The following NTM variants were observed in gnomAD, a reference collection of about 807,000 sequenced individuals.
The protein encoded by NTM is IgLON family member 2.
NTM carries 13 observed loss-of-function variants against 42.1 expected under a neutral mutation model. The ratio of observed to expected loss-of-function variants is 0.31; its 90% CI spans 0.20 to 0.49. NTM has a LOEUF of 0.49. Ranked by LOEUF, NTM falls within the 20% of genes least tolerant of loss-of-function variation. The pLI is 0.99. For missense variants in NTM, 373 were observed against 452.8 expected (o/e 0.82, Z 1.60); for synonymous variants, 187 against 179.2 (o/e 1.04, Z -0.35).
At chr11:132,213,795 C>T (rs892451149) in intron 4 of NTM, among the ~76,000 whole-genome samples, 2 of 51,958 alleles carry the variant, frequency 3.8e-5, no homozygotes, top group African/African-American at 1.2e-4. Context: ...AGTGCAGTGG[C>T]GGGATCTCGG....
chr11:132,013,031 G>A (rs764119326), intron 2 of NTM, among the ~76,000 whole-genome samples: 15 of 152,108 alleles, frequency 9.9e-5, no homozygotes, highest in Non-Finnish European at 1.9e-4. Flanking sequence ...TGTTCATGGA[G>A]CAGTTCACAT....
chr11:131,780,194 C>T (rs892164196), intron 1 of NTM, among the ~76,000 whole-genome samples: 11 of 151,962 alleles, frequency 7.2e-5, no homozygotes, highest in South Asian at 2.1e-4. Context: ...TTGTGAGGCA[C>T]GAAATAGGAA....
At chr11:131,446,692 C>T (rs1258456446) in intron 1 of NTM, among the ~76,000 whole-genome samples, 1 of 152,206 alleles carries the variant, frequency 6.6e-6, no homozygotes, top group African/African-American at 2.4e-5. Flanking sequence ...TCTTCTCTGA[C>T]TCAAGGTTTG....
At chr11:131,565,416 C>T (rs1202742162) in intron 1 of NTM, among the ~76,000 whole-genome samples, 1 of 152,182 alleles carries the variant, frequency 6.6e-6, no homozygotes, top group African/African-American at 2.4e-5. Context: ...CTCCTCCTGC[C>T]TCGCTGCTGC....
At chr11:131,388,373 ATT>A (rs1030744526) in intron 1 of NTM, among the ~76,000 whole-genome samples, 2 of 148,876 alleles carry the variant, frequency 1.3e-5, no homozygotes, top group Non-Finnish European at 3.0e-5. Flanking sequence ...TCAACAAATG[ATT>A]TTTATTATGC....
intron 1 of NTM, among the ~76,000 whole-genome samples, chr11:131,399,850 T>A (rs1944940754): frequency 6.6e-6 from 1 of 152,164 alleles, no homozygotes; most frequent in Non-Finnish European, 1.5e-5. Context: ...TGGCTGGTTA[T>A]CCAGACAGCA....
At chr11:132,171,293 G>T (rs1456129840) in intron 3 of NTM, among the ~76,000 whole-genome samples, 2 of 152,164 alleles carry the variant, frequency 1.3e-5, no homozygotes, top group East Asian at 3.9e-4. Flanking sequence ...TGCCCAAGCT[G>T]CTATGACAAA....
At chr11:132,153,116 C>T (rs2072351402) in intron 3 of NTM, among the ~76,000 whole-genome samples, 3 of 152,226 alleles carry the variant, frequency 2.0e-5, no homozygotes, top group Non-Finnish European at 2.9e-5. Flanking sequence ...TAAGCAGCCA[C>T]TGAGTTCTTA....
chr11:131,734,906 C>T (rs2135521452), intron 1 of NTM, among the ~76,000 whole-genome samples: 1 of 152,180 alleles, frequency 6.6e-6, no homozygotes, highest in Non-Finnish European at 1.5e-5. Flanking sequence ...CCAAGAACAA[C>T]AGAAATGTGA....
Position 131,660,985 on chromosome 11 carries a change from G to GA in NTM, c.83-250570dup, listed in dbSNP as rs745460211. ...GGCAAAGTTGGATGTTTTTAAAGTGGAAAAAAAAATGAACGGAAAAAGAAA... is the reference window on the plus strand; with the variant it reads ...GGCAAAGTTGGATGTTTTTAAAGTGGAAAAAAAAAATGAACGGAAAAAGAAA... On this transcript the variant is annotated intron_variant, in intron 1 of 8. Coordinates refer to ENST00000683400, the MANE Select transcript of NTM (RefSeq NM_001352005.2). 1.1e-4 allele frequency: 139 copies of GA among 1,293,006 alleles called. 1 individual carries two copies. In the East Asian group the frequency reaches 1.3e-3, roughly 12 times the overall value. 80.1% of individuals were successfully genotyped at this position (1,293,006 alleles called of 1,614,324 possible).
chr11:132,237,409 A>G (rs1374746800), intron 4 of NTM, among the ~76,000 whole-genome samples: 1 of 152,160 alleles, frequency 6.6e-6, no homozygotes, highest in Admixed American at 6.5e-5. Context: ...TGTCAGATTC[A>G]GGTAGCTCTA....
intron 1 of NTM, among the ~76,000 whole-genome samples, chr11:131,873,698 T>TATATATACACAC (rs2048136002): frequency 3.0e-5 from 4 of 131,656 alleles, no homozygotes; most frequent in African/African-American, 1.3e-4. Context: ...TATACACACA[T>TATATATACACAC]ATATATATAT....
At chr11:131,389,024 AAAAAGAAAAG>A (rs58205309) in intron 1 of NTM, among the ~76,000 whole-genome samples, 4 of 89,906 alleles carry the variant, frequency 4.4e-5, no homozygotes, top group African/African-American at 1.4e-4. Context: ...AAAAAAAAAA[AAAAAGAAAAG>A]AAAAGAAAAG....
At chr11:132,102,982 G>A (rs1046733869) in intron 2 of NTM, among the ~76,000 whole-genome samples, 1 of 152,212 alleles carries the variant, frequency 6.6e-6, no homozygotes, top group African/African-American at 2.4e-5. Context: ...AAATTGGACT[G>A]GAAAGGCCAC....
chr11:131,756,901 C>T (rs937467706), intron 1 of NTM, among the ~76,000 whole-genome samples: 2 of 152,110 alleles, frequency 1.3e-5, no homozygotes, highest in African/African-American at 4.8e-5. Context: ...AGTTGACCTC[C>T]GAGGAAGATC....
chr11:131,808,162 T>C (rs1277801546), intron 1 of NTM, among the ~76,000 whole-genome samples: 1 of 152,198 alleles, frequency 6.6e-6, no homozygotes, highest in African/African-American at 2.4e-5. Context: ...GGATTTATTA[T>C]CTGACCCCTA....
At chr11:132,299,470 C>G (rs1310514885) in intron 4 of NTM, among the ~76,000 whole-genome samples, 1 of 152,058 alleles carries the variant, frequency 6.6e-6, no homozygotes, top group East Asian at 1.9e-4. Context: ...GAAAGGGTAT[C>G]CTGAGAGAAA....
At chr11:131,873,922 C>G (rs1173359609) in intron 1 of NTM, among the ~76,000 whole-genome samples, 2 of 128,986 alleles carry the variant, frequency 1.6e-5, no homozygotes, top group African/African-American at 5.5e-5. Flanking sequence ...GTTTTCTGCT[C>G]CTGTGTTAGT....
At chr11:131,376,872 C>A (rs1015455950) in intron 1 of NTM, among the ~76,000 whole-genome samples, 2 of 152,170 alleles carry the variant, frequency 1.3e-5, no homozygotes, top group Non-Finnish European at 2.9e-5. Flanking sequence ...GGTTCAATCA[C>A]ATCCAAGTGT....
Sources: allele counts gnomAD v4.1 joint callset (sites outside exome capture counted in the v4.1 genomes callset), GRCh38; gene constraint gnomAD v4.1.1; transcripts MANE v1.5; gene names NCBI Gene and HGNC (gene_info 2026-07-23, HGNC 2026-07-21).